PPP2R5A: variants seen among roughly 807,000 people sequenced by gnomAD.
PPP2R5A encodes protein phosphatase 2 regulatory subunit B'alpha, also known as serine/threonine-protein phosphatase 2A 56 kDa regulatory subunit alpha isoform.
Under a neutral mutation model 64.2 loss-of-function variants are expected in PPP2R5A, and 25 were observed. The observed-to-expected ratio is 0.39, with a 90% CI of 0.28 to 0.54. The LOEUF (loss-of-function observed/expected upper bound fraction) is 0.54, where lower values mean the gene tolerates loss of function less well. PPP2R5A is among the 20% of genes least tolerant of loss of function. The pLI is 0.67. For synonymous variants in PPP2R5A, 198 were observed against 201.2 expected (o/e 0.98, Z 0.13); for missense variants, 425 against 576.3 (o/e 0.74, Z 2.69).
At chr1:212,288,445 G>A (rs929012400) in intron 1 of PPP2R5A, among the ~76,000 whole-genome samples, 1 of 152,078 alleles carries the variant, frequency 6.6e-6, no homozygotes, top group South Asian at 2.1e-4. Context: ...AAGTAAATTG[G>A]AACTTTACAT....
chr1:212,333,632 T>C, intron 3 of PPP2R5A, 34 bp downstream of exon 3: 3 of 1,229,310 alleles, frequency 2.4e-6, no homozygotes, highest in Non-Finnish European at 1.1e-6. Flanking sequence ...GCAGTTTTTA[T>C]ATTTATGCTA....
chr1:212,312,203 A>T (rs934560349), intron 1 of PPP2R5A, among the ~76,000 whole-genome samples: 5 of 152,234 alleles, frequency 3.3e-5, no homozygotes, highest in Middle Eastern at 3.2e-3. Context: ...GTAGCCTAGG[A>T]GCAGTAGGCT....
chr1:212,286,391 T>G, intron 1 of PPP2R5A, 100 bp downstream of exon 1: 2 of 1,303,618 alleles, frequency 1.5e-6, no homozygotes, highest in Non-Finnish European at 2.0e-6. Context: ...TCCTGCTCAG[T>G]TGGGACTGGT....
chr1:212,358,204 A>G (rs924089662), intron 11 of PPP2R5A: 1 of 152,422 alleles, frequency 6.6e-6, no homozygotes, highest in African/African-American at 2.4e-5. Context: ...CTACTCCGTT[A>G]ATGCAGAGTT....
chr1:212,329,368 A>G (rs1348108839), intron 2 of PPP2R5A, 37 bp downstream of exon 2: 4 of 1,416,022 alleles, frequency 2.8e-6, no homozygotes, highest in Non-Finnish European at 3.8e-6. Flanking sequence ...GATTTATGTA[A>G]ATTTAAGATC....
intron 4 of PPP2R5A, among the ~76,000 whole-genome samples, chr1:212,344,760 T>C (rs1659744404): frequency 6.6e-6 from 1 of 152,130 alleles, no homozygotes; most frequent in Admixed American, 6.5e-5. Context: ...TCTCTCAGGT[T>C]TTGCTGAAAA....
rs1386773775 is a variant in PPP2R5A, at chr1:212,308,990, TTTC to T, written c.182-20139_182-20137del. 7 of 665,974 alleles carry T rather than the reference TTTC, an allele frequency of 1.1e-5. No individual in the cohort carries two copies. The African/African-American group carries it at 1.1e-4, about 11-fold the overall frequency. 41.3% of individuals were successfully genotyped at this position (665,974 alleles called of 1,614,324 possible). ...TTTGATGTAACATTGTCATCATACC[TTTC>T]TTCTTTTTTTATGGTGAAAAGATAT... On this transcript the variant is annotated intron_variant, in intron 1 of 12. Coordinates refer to ENST00000261461, the MANE Select transcript of PPP2R5A (RefSeq NM_006243.4).
Position 212,297,070 on chromosome 1 carries a change from G to A in PPP2R5A, c.181+10779G>A, listed in dbSNP as rs182186386. On this transcript the variant is annotated intron_variant, in intron 1 of 12. Coordinates refer to ENST00000261461, the MANE Select transcript of PPP2R5A (RefSeq NM_006243.4). The stretch of plus-strand genomic sequence containing the variant: ...TTGAGAACCTTATCAAGAGAAATAC[G>A]TTTCTTTTCTTTTTCTTTGCTTCTT... Among the ~76,000 whole-genome samples, 12 of 135,612 alleles carry A rather than the reference G, an allele frequency of 8.8e-5. No homozygotes were observed. The East Asian group carries it at 1.3e-3, about 15-fold the overall frequency. The allele number at this position is 135,612 out of a possible 152,430, so 89.0% of individuals were successfully genotyped here. A position where few individuals can be genotyped will look rare whatever the true frequency, so the allele number is the denominator to read the frequency against.
chr1:212,332,901 A>ATTTTTTT (rs1315422938), intron 2 of PPP2R5A, among the ~76,000 whole-genome samples: 2 of 147,102 alleles, frequency 1.4e-5, no homozygotes, highest in African/African-American at 5.0e-5. Flanking sequence ...TTATTTTTTT[A>ATTTTTTT]TTTTTATTTT....
intron 8 of PPP2R5A, among the ~76,000 whole-genome samples, chr1:212,355,459 A>C (rs1659961731): frequency 6.6e-6 from 1 of 152,198 alleles, no homozygotes; most frequent in African/African-American, 2.4e-5. Flanking sequence ...CAGACAGACT[A>C]TAAAGTAACC....
chr1:212,357,375 T>C, intron 11 of PPP2R5A, 91 bp downstream of exon 11: 1 of 1,235,794 alleles, frequency 8.1e-7, no homozygotes, highest in Non-Finnish European at 1.1e-6. Context: ...TGAAACCTAT[T>C]ACAGATTTGG....
At position 212,360,921 on chromosome 1, in the gene PPP2R5A, G is replaced by A. The variant is rs1660070046; in HGVS notation, c.*151G>A. 3 of 607,798 alleles carry A rather than the reference G, an allele frequency of 4.9e-6. No individual in the cohort carries two copies. The highest frequency in any genetic ancestry group is 5.1e-6 in the Non-Finnish European group (2 of 388,974). 37.7% of individuals were successfully genotyped at this position (607,798 alleles called of 1,614,324 possible). ...AAATGGAAAAATATATGGACTAAAC[G>A]TAGCCCTGTGCTGTATCATGGCCAT... On this transcript the variant is annotated 3_prime_UTR_variant, in exon 13 of 13. Transcript: ENST00000261461.
At chr1:212,353,628 C>T (rs774056599) in intron 8 of PPP2R5A, among the ~76,000 whole-genome samples, 5 of 151,984 alleles carry the variant, frequency 3.3e-5, no homozygotes, top group African/African-American at 4.8e-5. Flanking sequence ...ATTTCTTTGC[C>T]AATATAATCT....
At chr1:212,307,076 T>G (rs1658929100) in intron 1 of PPP2R5A, among the ~76,000 whole-genome samples, 1 of 152,184 alleles carries the variant, frequency 6.6e-6, no homozygotes, top group Non-Finnish European at 1.5e-5. Context: ...CCATTTACAC[T>G]TAATGTAGTT....
chr1:212,306,213 G>A (rs1018768042), intron 1 of PPP2R5A, among the ~76,000 whole-genome samples: 2 of 152,128 alleles, frequency 1.3e-5, no homozygotes, highest in Admixed American at 6.5e-5. Flanking sequence ...ATAGGGGAAG[G>A]GGTGTCTGTA....
At chr1:212,357,362 A>G in intron 11 of PPP2R5A, 78 bp downstream of exon 11, 1 of 1,291,000 alleles carries the variant, frequency 7.7e-7, no homozygotes, top group Non-Finnish European at 1.0e-6. Context: ...CCTAACTCAT[A>G]CTTGAAACCT....
chr1:212,296,049 C>G (rs1156889366), intron 1 of PPP2R5A, among the ~76,000 whole-genome samples: 1 of 151,344 alleles, frequency 6.6e-6, no homozygotes, highest in Non-Finnish European at 1.5e-5. Flanking sequence ...GGTAGTAGCC[C>G]AAGATGGAGA....
At chr1:212,313,851 C>T (rs901850166) in intron 1 of PPP2R5A, 2 of 152,046 alleles carry the variant, frequency 1.3e-5, no homozygotes, top group Admixed American at 1.3e-4. Context: ...TGTTAAAAAT[C>T]ATCTTGGCTA....
At chr1:212,305,124 C>T (rs2102416601) in intron 1 of PPP2R5A, among the ~76,000 whole-genome samples, 1 of 150,778 alleles carries the variant, frequency 6.6e-6, no homozygotes, top group Non-Finnish European at 1.5e-5. Flanking sequence ...GCAAGCTCCG[C>T]CTCCCGGGTT....
Sources: allele counts gnomAD v4.1 joint callset (sites outside exome capture counted in the v4.1 genomes callset), GRCh38; gene constraint gnomAD v4.1.1; transcripts MANE v1.5; gene names NCBI Gene and HGNC (gene_info 2026-07-23, HGNC 2026-07-21).